The following CASP10 variants were observed in gnomAD, a reference collection of about 807,000 sequenced individuals.
CASP10 encodes the protein caspase-10.
In CASP10, 41 loss-of-function variants were observed where a neutral mutation model predicts 48.5. The observed-to-expected ratio is 0.85, with a 90% CI of 0.66 to 1.10. The LOEUF is 1.10. Ranked by LOEUF, CASP10 falls within the 50% of genes least tolerant of loss-of-function variation. The pLI is 0.00. For missense variants in CASP10, 614 were observed against 614.5 expected, an observed-to-expected ratio of 1.00 and a Z score of 0.01; for synonymous variants, 232 against 238.4, an observed-to-expected ratio of 0.97 and a Z score of 0.25.
chr2:201,221,331 C>T lies in CASP10; in HGVS notation c.*3590C>T. Reference sequence around the variant, plus strand: ...TCAGGCCTCTGAGCCCAAGCTAAGCCATCATATCCCTTGTGACCTGCACAT... The same window carrying T: ...TCAGGCCTCTGAGCCCAAGCTAAGCTATCATATCCCTTGTGACCTGCACAT... On this transcript the variant is annotated 3_prime_UTR_variant, in exon 10 of 10. Coordinates refer to ENST00000286186, the MANE Select transcript of CASP10 (RefSeq NM_032977.4). 1.0e-6 allele frequency: 1 copy of T among 970,068 alleles called. No homozygotes were observed. The highest frequency in any genetic ancestry group is 1.2e-6 in the Non-Finnish European group (1 of 815,694). 60.1% of individuals were successfully genotyped at this position (970,068 alleles called of 1,614,324 possible). A position where few individuals can be genotyped will look rare whatever the true frequency, so the allele number is the denominator to read the frequency against.
Position 201,186,059 on chromosome 2 carries a change from C to T in CASP10, c.282C>T (p.His94=), listed in dbSNP as rs370492434. 5 of 1,612,616 alleles carry T rather than the reference C, an allele frequency of 3.1e-6. No individual in the cohort carries two copies. The African/African-American group carries it at 6.7e-5, about 22-fold the overall frequency. ...YIIRQKKLLQ[H]LNCTKEEVER... is the part of the protein sequence containing the mutation. The stretch of plus-strand genomic sequence containing the variant: ...TACGGCAGAAGAAGCTGCTGCAGCA[C>T]CTCAACTGTACCAAAGAGGAAGTGG... Residue 94 remains histidine, a synonymous_variant, in exon 2 of 10, where the codon CAC becomes CAT. Transcript: ENST00000286186.
chr2:201,189,827 G>A (rs192805927), intron 3 of CASP10, among the ~76,000 whole-genome samples: 1 of 151,854 alleles, frequency 6.6e-6, no homozygotes, highest in East Asian at 2.0e-4. Flanking sequence ...GACAAAACCC[G>A]GTCTCTACAA....
At chr2:201,200,753 A>G in intron 5 of CASP10, 2 of 1,207,358 alleles carry the variant, frequency 1.7e-6, no homozygotes, top group South Asian at 7.6e-5. Context: ...GAGTTTATTC[A>G]TTTGAATTCC....
rs139471455 is a variant in CASP10, at chr2:201,204,789, A to G, written c.721+1023A>G. Among the ~76,000 whole-genome samples, 272 of 152,276 alleles carry G rather than the reference A, an allele frequency of 1.8e-3. 1 individual carries two copies. The highest frequency in any genetic ancestry group is 5.8e-3 in the African/African-American group (243 of 41,566). The stretch of plus-strand genomic sequence containing the variant: ...TAAAGCAGTTTCTTTCAGCTTTACA[A>G]TTCTGCGGTTCCAACATTTAGACGT... On this transcript the variant is annotated intron_variant, in intron 6 of 9. Coordinates refer to ENST00000286186, the MANE Select transcript of CASP10 (RefSeq NM_032977.4).
chr2:201,184,130 AC>A (rs41465547), intron 1 of CASP10, among the ~76,000 whole-genome samples: 16,889 of 151,976 alleles, frequency 0.11, 1,915 homozygotes, highest in African/African-American at 0.29. Context: ...TCCTGGCCTC[AC>A]AGTGATCCAC....
chr2:201,200,218 G>T (rs546472165), intron 5 of CASP10, among the ~76,000 whole-genome samples: 3 of 152,094 alleles, frequency 2.0e-5, no homozygotes, highest in Admixed American at 2.0e-4. Flanking sequence ...TTTTCCCCAC[G>T]CAATTAATAA....
At chr2:201,186,366 A>T (rs1944415683) in intron 2 of CASP10, 1 of 496,898 alleles carries the variant, frequency 2.0e-6, no homozygotes, top group South Asian at 2.1e-5. Context: ...TTTGCTTCTC[A>T]CTAGCAGTGA....
At chr2:201,227,945 A>G (rs763933581) in intron 9 of CASP10, among the ~76,000 whole-genome samples, 13 of 152,130 alleles carry the variant, frequency 8.5e-5, no homozygotes, top group Non-Finnish European at 2.9e-5. Flanking sequence ...CACAACGCCC[A>G]AATTGCTGCT....
At chr2:201,228,799 TGA>T in intron 9 of CASP10, 1 of 734,576 alleles carries the variant, frequency 1.4e-6, no homozygotes, top group Non-Finnish European at 2.4e-6. Context: ...ATGAGAAATA[TGA>T]GTCATTCTGC....
chr2:201,209,905 TAG>T (rs1297015721), intron 9 of CASP10, among the ~76,000 whole-genome samples: 1 of 152,170 alleles, frequency 6.6e-6, no homozygotes, highest in East Asian at 1.9e-4. Context: ...GCTAGAGGGA[TAG>T]ACAAACAAAT....
chr2:201,208,198 A>C lies in CASP10; in HGVS notation c.922+15A>C, dbSNP rs1945272914. ...TAAAGATGCTGGTAAGAAAGTCTGGAACAGTTTATCAAATGCAAATTGGGG... is the reference window on the plus strand; with the variant it reads ...TAAAGATGCTGGTAAGAAAGTCTGGCACAGTTTATCAAATGCAAATTGGGG... On this transcript the variant is annotated intron_variant, in intron 8 of 9. Coordinates refer to ENST00000286186, the MANE Select transcript of CASP10 (RefSeq NM_032977.4). The C allele has an allele frequency of 6.2e-7, 1 of 1,602,028 alleles. No homozygotes were observed. Among genetic ancestry groups the C allele is most frequent in the Non-Finnish European group, 8.5e-7 (1 of 1,176,324 alleles).
At chr2:201,202,147 G>A (rs914631852) in intron 5 of CASP10, among the ~76,000 whole-genome samples, 9 of 152,178 alleles carry the variant, frequency 5.9e-5, no homozygotes, top group South Asian at 4.1e-4. Flanking sequence ...CACCGTACCC[G>A]GCCAAATCGA....
rs1945269526 is a variant in CASP10 at position 201,208,111 on chromosome 2, G to A, written c.850G>A (p.Gly284Ser). ...AVYRMNRNHR[G>S]LCVIVNNHSF... is the part of the protein sequence containing the mutation. ...GTACAGGATGAATCGGAACCACAGA[G>A]GCCTCTGTGTCATTGTCAACAACCA... Residue 284 changes from glycine (G) to serine (S), a missense_variant, in exon 8 of 10, where the codon GGC becomes AGC. Transcript: ENST00000286186. 3 of 1,613,856 alleles carry A rather than the reference G, an allele frequency of 1.9e-6. No individual in the cohort carries two copies. The highest frequency in any genetic ancestry group is 2.5e-6 in the Non-Finnish European group (3 of 1,179,906).
intron 5 of CASP10, among the ~76,000 whole-genome samples, chr2:201,200,218 G>A (rs546472165): frequency 1.3e-5 from 2 of 151,976 alleles, no homozygotes; most frequent in East Asian, 1.9e-4. Context: ...TTTTCCCCAC[G>A]CAATTAATAA....
intron 5 of CASP10, among the ~76,000 whole-genome samples, chr2:201,198,949 G>A (rs932723437): frequency 1.3e-5 from 2 of 152,282 alleles, no homozygotes; most frequent in African/African-American, 2.4e-5. Flanking sequence ...TTATAGAAAA[G>A]TTGCAAGAAT....
At chr2:201,222,767 G>A (rs1160754847), downstream of CASP10, among the ~76,000 whole-genome samples, 2 of 152,192 alleles carry the variant, frequency 1.3e-5, no homozygotes, top group Admixed American at 1.3e-4. Flanking sequence ...CTGGTACGCT[G>A]TGGTACCGAC....
At chr2:201,216,411 C>T in intron 9 of CASP10, among the ~76,000 whole-genome samples, 1 of 151,578 alleles carries the variant, frequency 6.6e-6, no homozygotes, top group Non-Finnish European at 1.5e-5. Context: ...CTGCCATGAA[C>T]AAATCAAAAC....
chr2:201,189,935 G>A (rs1223259409), intron 3 of CASP10, among the ~76,000 whole-genome samples: 1 of 152,170 alleles, frequency 6.6e-6, no homozygotes, highest in East Asian at 1.9e-4. Flanking sequence ...GAGAAGTCAA[G>A]GCTGCAGTGA....
intron 9 of CASP10, among the ~76,000 whole-genome samples, chr2:201,228,254 G>A (rs1033448311): frequency 2.6e-4 from 39 of 152,272 alleles, no homozygotes; most frequent in African/African-American, 7.2e-4. Context: ...AGAATTGCTC[G>A]AACCTGAGAG....
Sources: allele counts gnomAD v4.1 joint callset (sites outside exome capture counted in the v4.1 genomes callset), GRCh38; gene constraint gnomAD v4.1.1; transcripts MANE v1.5; gene names NCBI Gene and HGNC (gene_info 2026-07-23, HGNC 2026-07-21).